CCDC93: variants seen among roughly 807,000 people sequenced by gnomAD.
The protein encoded by CCDC93 is coiled-coil domain-containing protein 93.
Under a neutral mutation model 108.2 loss-of-function variants are expected in CCDC93, and 61 were observed. The observed-to-expected ratio is 0.56, with a 90% confidence interval of 0.46 to 0.70. The LOEUF (loss-of-function observed/expected upper bound fraction) is 0.70, where lower values mean the gene tolerates loss of function less well. Ranked by LOEUF, CCDC93 falls within the 30% of genes least tolerant of loss-of-function variation. The probability of loss-of-function intolerance (pLI) is 0.00; values close to 1 mark genes in which losing one functional copy is unlikely to be tolerated. For synonymous variants in CCDC93, 276 were observed against 260.4 expected (o/e 1.06, Z -0.58); for missense variants, 685 against 764.2 (o/e 0.90, Z 1.22).
At chr2:118,011,141 AAAGT>A (rs1254341357) in intron 1 of CCDC93, among the ~76,000 whole-genome samples, 3 of 152,258 alleles carry the variant, frequency 2.0e-5, no homozygotes, top group Non-Finnish European at 4.4e-5. Flanking sequence ...ATGCTTACAT[AAAGT>A]AAGTGAACCT....
intron 23 of CCDC93, among the ~76,000 whole-genome samples, chr2:117,925,100 C>A (rs1312414879): frequency 6.6e-6 from 1 of 152,086 alleles, no homozygotes; most frequent in Admixed American, 6.6e-5. Context: ...CAGGCCTGCC[C>A]TAAAAGAGCT....
intron 13 of CCDC93, chr2:117,950,607 T>C (rs1679020489): frequency 2.0e-6 from 2 of 985,364 alleles, no homozygotes. Context: ...AGAGGTCAAA[T>C]CTGGGAAGCC....
Position 117,946,730 on chromosome 2 carries a change from G to A in CCDC93, c.1296+81C>T, listed in dbSNP as rs372071145. The A allele has an allele frequency of 1.8e-3, 1,700 of 918,964 alleles. 37 individuals are homozygous for A. In the South Asian group the frequency reaches 0.022, roughly 12 times the overall value. The allele number at this position is 918,964 out of a possible 1,614,324, so 56.9% of individuals were successfully genotyped here. On this transcript the variant is annotated intron_variant, in intron 16 of 23. Coordinates refer to ENST00000376300, the MANE Select transcript of CCDC93 (RefSeq NM_019044.5). ...ATTTACAGGATAAGTTAGCAACAGC[G>A]GTCTGCTCTTTGGTCCTCTAGAACT...
intron 23 of CCDC93, among the ~76,000 whole-genome samples, chr2:117,926,887 C>T (rs1277873098): frequency 2.0e-5 from 3 of 152,104 alleles, no homozygotes; most frequent in East Asian, 3.9e-4. Flanking sequence ...ACTGGCAAAC[C>T]GAATCCAGCA....
chr2:117,967,538 G>A (rs1679627189), intron 11 of CCDC93, among the ~76,000 whole-genome samples: 1 of 152,194 alleles, frequency 6.6e-6, no homozygotes, highest in African/African-American at 2.4e-5. Flanking sequence ...AGTCTAAGGA[G>A]GCACAGCCAC....
chr2:118,008,696 T>G, intron 1 of CCDC93, 38 bp from the exon 2 acceptor site: 1 of 1,377,340 alleles, frequency 7.3e-7, no homozygotes. Context: ...GTAAAAGATA[T>G]GCTGAATAAA....
At chr2:118,000,984 T>C (rs1680831840) in intron 3 of CCDC93, 52 bp from the exon 4 acceptor site, 2 of 1,088,660 alleles carry the variant, frequency 1.8e-6, no homozygotes, top group Admixed American at 1.7e-5. Context: ...GTAGCCTTTA[T>C]GGCATCTCTA....
At chr2:117,949,055 CATTTTGA>C (rs1434578865) in intron 14 of CCDC93, among the ~76,000 whole-genome samples, 1 of 152,118 alleles carries the variant, frequency 6.6e-6, no homozygotes, top group Non-Finnish European at 1.5e-5. Context: ...AAGGTATGAC[CATTTTGA>C]AAAATAGAAA....
chr2:117,924,349 C>T (rs1451655098), intron 23 of CCDC93, among the ~76,000 whole-genome samples: 16 of 151,978 alleles, frequency 1.1e-4, no homozygotes, highest in Non-Finnish European at 1.8e-4. Context: ...GGAGGAAGTT[C>T]GAACCCATGG....
At chr2:118,013,228 A>G (rs951768517) in intron 1 of CCDC93, among the ~76,000 whole-genome samples, 2 of 152,342 alleles carry the variant, frequency 1.3e-5, no homozygotes, top group Admixed American at 6.5e-5. Context: ...CCCTAGCACT[A>G]AGTGAGTACT....
intron 13 of CCDC93, 181 bp from the exon 14 acceptor site, chr2:117,949,576 A>G: frequency 4.1e-6 from 1 of 243,912 alleles, no homozygotes; most frequent in Non-Finnish European, 6.6e-6. Flanking sequence ...TTTAAAAAAG[A>G]ATAAAGTAGC....
At chr2:117,937,278 G>A (rs893551615) in intron 20 of CCDC93, among the ~76,000 whole-genome samples, 3 of 152,068 alleles carry the variant, frequency 2.0e-5, no homozygotes, top group East Asian at 1.9e-4. Flanking sequence ...CCTTAGCCCC[G>A]CAGCAAATCC....
At chr2:117,928,853 A>G (rs1237350133) in intron 23 of CCDC93, among the ~76,000 whole-genome samples, 1 of 152,250 alleles carries the variant, frequency 6.6e-6, no homozygotes, top group Non-Finnish European at 1.5e-5. Context: ...AATACTTGGA[A>G]CCAAGCCAAA....
chr2:117,923,749 A>T (rs1002510483), intron 23 of CCDC93, among the ~76,000 whole-genome samples: 1 of 152,214 alleles, frequency 6.6e-6, no homozygotes, highest in Non-Finnish European at 1.5e-5. Flanking sequence ...CTGCAGACTT[A>T]AAAGTCCCTG....
At chr2:117,971,222 G>A (rs1460176353) in intron 11 of CCDC93, among the ~76,000 whole-genome samples, 1 of 151,960 alleles carries the variant, frequency 6.6e-6, no homozygotes, top group African/African-American at 2.4e-5. Context: ...ACTTAGCCAG[G>A]CATGGTGGTA....
At position 117,915,793 on chromosome 2, in the gene CCDC93, C is replaced by T. The variant is rs1677663512; in HGVS notation, c.*4550G>A. On this transcript the variant is annotated 3_prime_UTR_variant, in exon 24 of 24. Coordinates refer to ENST00000376300, the MANE Select transcript of CCDC93 (RefSeq NM_019044.5). ...GTGTGAAAACATATGCACACACATA[C>T]ATCTACACACTTTCTCCATTCCAAA... is the stretch of plus-strand genomic sequence containing the variant. 6.6e-6 allele frequency: 1 copy of T among 151,774 alleles called. No individual in the cohort carries two copies. The allele number at this position is 151,774 out of a possible 1,614,324, so 9.4% of individuals were successfully genotyped here.
At chr2:117,974,549 C>G (rs1340901844) in intron 10 of CCDC93, among the ~76,000 whole-genome samples, 1 of 152,182 alleles carries the variant, frequency 6.6e-6, no homozygotes, top group Non-Finnish European at 1.5e-5. Context: ...AAGACAAGAG[C>G]TGCCTCAGCA....
intron 1 of CCDC93, chr2:118,008,958 A>G (rs994418342): frequency 3.9e-6 from 1 of 256,654 alleles, no homozygotes; most frequent in African/African-American, 2.2e-5. Context: ...AAGGAAGGTT[A>G]GAGCACAATA....
intron 23 of CCDC93, among the ~76,000 whole-genome samples, chr2:117,922,054 G>A (rs575678425): frequency 6.6e-6 from 1 of 150,554 alleles, no homozygotes; most frequent in South Asian, 2.1e-4. Flanking sequence ...AGAACAGAGA[G>A]CTACACTATT....
Sources: gnomAD v4.1 joint callset for allele counts (sites outside exome capture counted in the v4.1 genomes callset) on GRCh38, gnomAD v4.1.1 for gene constraint, MANE v1.5 for transcripts, NCBI Gene and HGNC (gene_info 2026-07-23, HGNC 2026-07-21) for gene names.